The following UGT2B15 variants were observed in gnomAD, a reference collection of about 807,000 sequenced individuals.
UGT2B15 encodes UDP-glucuronosyltransferase 2B15.
UGT2B15 carries 36 observed loss-of-function variants against 45.9 expected under a neutral mutation model. That is an observed-to-expected ratio of 0.78 (90% CI 0.60 to 1.04). UGT2B15 has a LOEUF of 1.04. Ranked by LOEUF, UGT2B15 falls within the 50% of genes least tolerant of loss-of-function variation. The pLI is 0.00. For synonymous variants in UGT2B15, 219 were observed against 216.4 expected, an observed-to-expected ratio of 1.01 and a Z score of -0.11; for missense variants, 617 against 622.4, an observed-to-expected ratio of 0.99 and a Z score of 0.09.
intron 3 of UGT2B15, among the ~76,000 whole-genome samples, chr4:68,657,783 G>C (rs1292753328): frequency 6.6e-6 from 1 of 151,870 alleles, no homozygotes; most frequent in African/African-American, 2.4e-5. Flanking sequence ...CCACACTATG[G>C]ATTCAACAGG....
chr4:68,654,142 T>C lies in UGT2B15; in HGVS notation c.1208A>G (p.Asn403Ser), dbSNP rs781214584. ...TCCCTTGGCTTTCATGTGAGCAATG[T>C]TATCATGTTGATCCGCAAACAAGGG... is the stretch of plus-strand genomic sequence containing the variant. ...GIPLFADQHD[N>S]IAHMKAKGAA... is the part of the protein sequence containing the mutation. Residue 403 changes from asparagine (N) to serine (S), a missense_variant, in exon 5 of 6, where the codon AAC becomes AGC. Asn to Ser is a conservative substitution (Grantham distance 46). Coordinates refer to ENST00000338206, the MANE Select transcript of UGT2B15 (RefSeq NM_001076.4). 1.2e-6 allele frequency: 2 copies of C among 1,613,680 alleles called. No individual in the cohort carries two copies. Among genetic ancestry groups the C allele is most frequent in the East Asian group, 2.2e-5 (1 of 44,882 alleles).
In UGT2B15 at chr4:68,670,609, T is replaced by G; in HGVS notation, c.10A>C (p.Lys4Gln). 1 of 1,578,030 alleles carries G rather than the reference T, an allele frequency of 6.3e-7. No homozygotes were observed. The change falls in exon 1 of 6, where the codon AAA becomes CAA. Residue 4 changes from lysine (K) to glutamine (Q), a missense_variant. Lys to Gln is a moderately conservative substitution (Grantham distance 53, BLOSUM62 1). Transcript: ENST00000338206. Reference sequence around the variant, plus strand: ...ATCAGCAGAAAGACTGACGTCCATTTCAGAGACATCCTGGTCTTATGCAAT... The same window carrying G: ...ATCAGCAGAAAGACTGACGTCCATTGCAGAGACATCCTGGTCTTATGCAAT... MSLKWTSVFLLIQL... is the reference protein window; with the variant it reads MSLQWTSVFLLIQL...
rs371051201 is a variant in UGT2B15, at chr4:68,647,101, T to G, written c.*3A>C. On this transcript the variant is annotated 3_prime_UTR_variant, in exon 6 of 6. Coordinates refer to ENST00000338206, the MANE Select transcript of UGT2B15 (RefSeq NM_001076.4). Reference sequence around the variant, plus strand: ...GTCATTCCACTTCAGGCTTTTGATATAACTAATCTCTTTTCTTCTTCTTTC... The same window carrying G: ...GTCATTCCACTTCAGGCTTTTGATAGAACTAATCTCTTTTCTTCTTCTTTC... 4 of 1,611,264 alleles carry G rather than the reference T, an allele frequency of 2.5e-6. No individual in the cohort carries two copies. The highest frequency in any genetic ancestry group is 1.7e-5 in the Admixed American group (1 of 59,838).
chr4:68,648,797 A>C (rs188454961), intron 5 of UGT2B15, among the ~76,000 whole-genome samples: 2 of 152,166 alleles, frequency 1.3e-5, no homozygotes, highest in Admixed American at 1.3e-4. Context: ...TGTTTATATA[A>C]TTGAATTAAA....
intron 2 of UGT2B15, among the ~76,000 whole-genome samples, chr4:68,663,675 T>C (rs889686836): frequency 2.8e-4 from 43 of 152,016 alleles, no homozygotes; most frequent in Non-Finnish European, 5.3e-4. Flanking sequence ...TATATCTACA[T>C]TTATTTAGCT....
Position 68,670,070 on chromosome 4 carries a change from C to T in UGT2B15, c.549G>A (p.Lys183=). ...GAGGGAACAGAAATCCTCCACCATTCTTCTCAAATGTGTAGCCAACAGAGA... is the reference window on the plus strand; with the variant it reads ...GAGGGAACAGAAATCCTCCACCATTTTTCTCAAATGTGTAGCCAACAGAGA... ...LRFSVGYTFE[K]NGGGFLFPPS... Residue 183 remains lysine (K), a synonymous_variant, in exon 1 of 6, where the codon AAG becomes AAA. Coordinates refer to ENST00000338206, the MANE Select transcript of UGT2B15 (RefSeq NM_001076.4). 6.2e-7 allele frequency: 1 copy of T among 1,614,088 alleles called. No homozygotes were observed. Among genetic ancestry groups the T allele is most frequent in the African/African-American group, 1.3e-5 (1 of 75,032 alleles).
At chr4:68,654,306 T>G (rs1290661407) in intron 4 of UGT2B15, 50 bp from the exon 5 acceptor site, 1 of 1,585,924 alleles carries the variant, frequency 6.3e-7, no homozygotes, top group Admixed American at 1.7e-5. Context: ...GGTATGAGAA[T>G]TGAATAAGAA....
At chr4:68,669,077 C>T (rs1733225704) in intron 1 of UGT2B15, among the ~76,000 whole-genome samples, 1 of 151,724 alleles carries the variant, frequency 6.6e-6, no homozygotes, top group South Asian at 2.1e-4. Context: ...GTTTTTTGAG[C>T]TCAACACTGA....
At chr4:68,663,951 A>G (rs1316699419) in intron 2 of UGT2B15, among the ~76,000 whole-genome samples, 1 of 152,056 alleles carries the variant, frequency 6.6e-6, no homozygotes, top group African/African-American at 2.4e-5. Context: ...AGGTATGACT[A>G]TGACACCTTT....
Position 68,668,075 on chromosome 4 carries a change from C to G in UGT2B15, c.838G>C (p.Gly280Arg), listed in dbSNP as rs1445988421. The change falls in exon 2 of 6, where the codon GGA becomes CGA. Residue 280 changes from glycine (G) to arginine (R), a missense_variant. Coordinates refer to ENST00000338206, the MANE Select transcript of UGT2B15 (RefSeq NM_001076.4). ...GGTTTGGCTGGTTTACAGTGAAGTC[C>G]TCCAACAAAATCAACATTTGGTAAG... ...PFLPNVDFVG[G>R]LHCKPAKPLP... 1 of 1,613,782 alleles carries G rather than the reference C, an allele frequency of 6.2e-7. No homozygotes were observed. Among genetic ancestry groups the G allele is most frequent in the African/African-American group, 1.3e-5 (1 of 74,872 alleles).
At chr4:68,656,580 G>T (rs1020713534) in intron 3 of UGT2B15, among the ~76,000 whole-genome samples, 1 of 151,886 alleles carries the variant, frequency 6.6e-6, no homozygotes, top group African/African-American at 2.4e-5. Context: ...CCATGCTCTT[G>T]GTTTCTGTGT....
intron 4 of UGT2B15, 51 bp from the exon 5 acceptor site, chr4:68,654,307 T>C (rs1451273428): frequency 6.3e-7 from 1 of 1,583,560 alleles, no homozygotes; most frequent in Non-Finnish European, 8.6e-7. Flanking sequence ...GTATGAGAAT[T>C]GAATAAGAAA....
At chr4:68,652,202 G>C (rs1732675804) in intron 5 of UGT2B15, among the ~76,000 whole-genome samples, 1 of 151,970 alleles carries the variant, frequency 6.6e-6, no homozygotes, top group East Asian at 1.9e-4. Context: ...GTATAGTAAT[G>C]CTTGTGATTT....
At chr4:68,665,921 C>A (rs1733105330) in intron 2 of UGT2B15, among the ~76,000 whole-genome samples, 1 of 152,062 alleles carries the variant, frequency 6.6e-6, no homozygotes, top group Admixed American at 6.6e-5. Context: ...TTGGCAGGTG[C>A]CTGTAATCCC....
At chr4:68,664,544 A>T (rs928553182) in intron 2 of UGT2B15, among the ~76,000 whole-genome samples, 6 of 152,008 alleles carry the variant, frequency 3.9e-5, no homozygotes, top group Non-Finnish European at 5.9e-5. Flanking sequence ...AAGTATTTTT[A>T]AAAAATATAA....
chr4:68,660,960 T>C (rs1479774092), intron 3 of UGT2B15, among the ~76,000 whole-genome samples: 1 of 152,006 alleles, frequency 6.6e-6, no homozygotes, highest in African/African-American at 2.4e-5. Flanking sequence ...GATTTTTCTT[T>C]TGTTTGGTTT....
At chr4:68,666,770 A>C (rs1733137291) in intron 2 of UGT2B15, among the ~76,000 whole-genome samples, 1 of 113,010 alleles carries the variant, frequency 8.8e-6, no homozygotes. Flanking sequence ...TTTTTGAGAC[A>C]GATTCTCACT....
At chr4:68,650,759 C>T (rs529466079) in intron 5 of UGT2B15, among the ~76,000 whole-genome samples, 17 of 152,102 alleles carry the variant, frequency 1.1e-4, no homozygotes, top group African/African-American at 2.7e-4. Flanking sequence ...CTTACATTCC[C>T]GTCAAAAATG....
Position 68,649,918 on chromosome 4 carries a change from C to T in UGT2B15, c.1314-2535G>A, listed in dbSNP as rs146027065. Among the ~76,000 whole-genome samples, 19 of 151,750 alleles carry T rather than the reference C, an allele frequency of 1.3e-4. No individual in the cohort carries two copies. In the East Asian group the frequency reaches 1.4e-3, roughly 11 times the overall value. ...CACTATCTCGGCTCACTGCAACCTCCGTCTCCCGGGTTCAAGTGATTCTCC... is the reference window on the plus strand; with the variant it reads ...CACTATCTCGGCTCACTGCAACCTCTGTCTCCCGGGTTCAAGTGATTCTCC... On this transcript the variant is annotated intron_variant, in intron 5 of 5. Transcript: ENST00000338206.
Sources: allele counts gnomAD v4.1 joint callset (sites outside exome capture counted in the v4.1 genomes callset), GRCh38; gene constraint gnomAD v4.1.1; transcripts MANE v1.5; gene names NCBI Gene and HGNC (gene_info 2026-07-23, HGNC 2026-07-21).